Variants in CRMP1 observed in about 807,000 individuals in gnomAD.
CRMP1 encodes dihydropyrimidinase-related protein 1.
A neutral mutation model predicts 68.3 loss-of-function variants in CRMP1; 19 were observed. The ratio of observed to expected loss-of-function variants is 0.28; its 90% confidence interval spans 0.19 to 0.41. The LOEUF (loss-of-function observed/expected upper bound fraction) is 0.41. Ranked by LOEUF, CRMP1 falls within the 10% of genes least tolerant of loss-of-function variation. The probability of loss-of-function intolerance (pLI) is 1.00; values close to 1 mark genes in which losing one functional copy is unlikely to be tolerated. For missense variants in CRMP1, 791 were observed against 967.4 expected (o/e 0.82, Z 2.42); for synonymous variants, 439 against 399.6 (o/e 1.10, Z -1.18).
intron 1 of CRMP1, among the ~76,000 whole-genome samples, chr4:5,873,082 T>C (rs1258737039): frequency 6.6e-6 from 1 of 152,178 alleles, no homozygotes; most frequent in African/African-American, 2.4e-5. Context: ...CTATAAATCA[T>C]TGTTTAAGGA....
Position 5,861,051 on chromosome 4 carries a change from T to C in CRMP1, c.630A>G (p.Ala210=). The stretch of plus-strand genomic sequence containing the variant: ...TGATCATCGTGGTCCCGCCCACCAG[T>C]GCCGCCCTGGTCCCTTGGAAGAAGT... The part of the protein sequence containing the change: ...ADDFFQGTRA[A]LVGGTTMIID... Residue 210 remains alanine, a synonymous_variant, in exon 3 of 14, where the codon GCA becomes GCG. Transcript: ENST00000324989. The surrounding 1 kb of genome is among the most constrained non-coding windows in gnomAD (Gnocchi z 6.0). 6.2e-7 allele frequency: 1 copy of C among 1,614,144 alleles called. No individual in the cohort carries two copies. The highest frequency in any genetic ancestry group is 8.5e-7 in the Non-Finnish European group (1 of 1,180,016).
rs772194306 is a variant in CRMP1 at position 5,828,618 on chromosome 4, T to G, written c.1674A>C (p.Leu558=). Residue 558 remains leucine (L), a synonymous_variant, in exon 12 of 14, where the codon CTA becomes CTC. Coordinates refer to ENST00000324989, the MANE Select transcript of CRMP1 (RefSeq NM_001014809.3). ...CGATCTTGCCCTGGCTGATGACCACTAGTGGGGAGCCGTGGCACTCCATAC... is the reference window on the plus strand; with the variant it reads ...CGATCTTGCCCTGGCTGATGACCACGAGTGGGGAGCCGTGGCACTCCATAC... ...FEGMECHGSP[L]VVISQGKIVF... 3 of 1,614,080 alleles carry G rather than the reference T, an allele frequency of 1.9e-6. No individual in the cohort carries two copies. In the African/African-American group the frequency reaches 4.0e-5, roughly 22 times the overall value.
rs917964375 is a variant in CRMP1 at position 5,825,332 on chromosome 4, A to G, written c.1969+162T>C. 4 of 983,492 alleles carry G rather than the reference A, an allele frequency of 4.1e-6. No homozygotes were observed. The highest frequency in any genetic ancestry group is 1.8e-5 in the African/African-American group (1 of 56,656). 60.9% of individuals were successfully genotyped at this position (983,492 alleles called of 1,614,324 possible). A position where few individuals can be genotyped will look rare whatever the true frequency, so the allele number is the denominator to read the frequency against. On this transcript the variant is annotated intron_variant, in intron 13 of 13. Coordinates refer to ENST00000324989, the MANE Select transcript of CRMP1 (RefSeq NM_001014809.3). This position sits in a 1 kb window ranked among gnomAD's most constrained non-coding sequence, Gnocchi z 4.4. Reference sequence around the variant, plus strand: ...CTCTGCTTGGTGACCATGCCAGCCCACTCTGCCCCACCAGTGAGAGCAGGC... The same window carrying G: ...CTCTGCTTGGTGACCATGCCAGCCCGCTCTGCCCCACCAGTGAGAGCAGGC...
In CRMP1 at chr4:5,843,618, C is replaced by A. The variant is rs1445992950; in HGVS notation, c.964-457G>T. On this transcript the variant is annotated intron_variant, in intron 6 of 13. Transcript: ENST00000324989. This position sits in a 1 kb window ranked among gnomAD's most constrained non-coding sequence, Gnocchi z 4.1. Reference sequence around the variant, plus strand: ...GAGTCCAGATCCAGAACAGCCGTCTCTGTGACTTTGGGCAGGTTGGTCAAG... The same window carrying A: ...GAGTCCAGATCCAGAACAGCCGTCTATGTGACTTTGGGCAGGTTGGTCAAG... Among the ~76,000 whole-genome samples the A allele has an allele frequency of 3.9e-5, 6 of 152,310 alleles. No homozygotes were observed. The East Asian group carries it at 1.2e-3, about 29-fold the overall frequency.
At position 5,834,821 on chromosome 4, in the gene CRMP1, G is replaced by A. The variant is rs1720624030; in HGVS notation, c.1623+1094C>T. On this transcript the variant is annotated intron_variant, in intron 11 of 13. Coordinates refer to ENST00000324989, the MANE Select transcript of CRMP1 (RefSeq NM_001014809.3). The surrounding 1 kb of genome is among the most constrained non-coding windows in gnomAD (Gnocchi z 4.3). Reference sequence around the variant, plus strand: ...CGTTCCCTGGAGATGGGGGCTGTGGGAAGCAAGTAGTGTTACCAGGGAGCA... The same window carrying A: ...CGTTCCCTGGAGATGGGGGCTGTGGAAAGCAAGTAGTGTTACCAGGGAGCA... Among the ~76,000 whole-genome samples, 1 of 152,198 alleles carries A rather than the reference G, an allele frequency of 6.6e-6. No individual in the cohort carries two copies. Among genetic ancestry groups the A allele is most frequent in the South Asian group, 2.1e-4 (1 of 4,816 alleles).
rs1339719492 is a variant in CRMP1 at position 5,892,905 on chromosome 4, C to T, written c.65G>A (p.Gly22Asp). The T allele has an allele frequency of 1.5e-6, 2 of 1,360,312 alleles. No individual in the cohort carries two copies. The highest frequency in any genetic ancestry group is 1.6e-5 in the South Asian group (1 of 62,922). 84.3% of individuals were successfully genotyped at this position (1,360,312 alleles called of 1,614,324 possible). A position where few individuals can be genotyped will look rare whatever the true frequency, so the allele number is the denominator to read the frequency against. The part of the protein sequence containing the change: ...DDLPVYLARP[G>D]SAAQTPRQKY... ...CTGGCGCGGGGTCTGCGCCGCGCTG[C>T]CCGGCCGCGCCAGGTACACGGGCAG... Residue 22 changes from glycine to aspartate, a missense_variant, in exon 1 of 14, where the codon GGC (glycine) becomes GAC (aspartate). Gly to Asp is a moderately conservative substitution (Grantham distance 94). Transcript: ENST00000324989. This position sits in a 1 kb window ranked among gnomAD's most constrained non-coding sequence, Gnocchi z 8.6.
chr4:5,886,977 A>C (rs1347562831), intron 1 of CRMP1, among the ~76,000 whole-genome samples: 2 of 152,198 alleles, frequency 1.3e-5, no homozygotes, highest in Non-Finnish European at 2.9e-5. Context: ...GGCTGGGCCC[A>C]GGAGGAATTT....
At chr4:5,845,619 G>A (rs1712129900) in intron 6 of CRMP1, among the ~76,000 whole-genome samples, 2 of 152,196 alleles carry the variant, frequency 1.3e-5, no homozygotes, top group South Asian at 4.1e-4. Flanking sequence ...GCTGCACCTG[G>A]AGTCCAGACC....
At chr4:5,857,025 C>T (rs1428998826) in intron 3 of CRMP1, among the ~76,000 whole-genome samples, 9 of 151,148 alleles carry the variant, frequency 6.0e-5, no homozygotes, top group Admixed American at 3.9e-4. Flanking sequence ...CATCTGCTAT[C>T]ATCACCACCA....
At chr4:5,875,978 C>T (rs1451333265) in intron 1 of CRMP1, among the ~76,000 whole-genome samples, 1 of 151,972 alleles carries the variant, frequency 6.6e-6, no homozygotes, top group Non-Finnish European at 1.5e-5. Context: ...CAGTGAAACC[C>T]CGTCTCTACT....
At chr4:5,884,528 C>T (rs1228529252) in intron 1 of CRMP1, among the ~76,000 whole-genome samples, 2 of 151,900 alleles carry the variant, frequency 1.3e-5, no homozygotes, top group Non-Finnish European at 2.9e-5. Flanking sequence ...CAGACCAGCC[C>T]ACCTATCCTC....
In CRMP1 at chr4:5,889,734, C is replaced by A. The variant is rs905915699; in HGVS notation, c.381+2855G>T. The A allele has an allele frequency of 6.5e-7, 1 of 1,535,606 alleles. No homozygotes were observed. The highest frequency in any genetic ancestry group is 8.7e-7 in the Non-Finnish European group (1 of 1,146,566). On this transcript the variant is annotated intron_variant, in intron 1 of 13. Transcript: ENST00000324989. The surrounding 1 kb of genome is among the most constrained non-coding windows in gnomAD (Gnocchi z 4.5). ...AAGTTGCCATCCAGAGCGAGGGTGG[C>A]CTAGGCTTGGTACAGCTCCCCCAGC...
rs995437625 is a variant in CRMP1, at chr4:5,834,944, A to G, written c.1623+971T>C. On this transcript the variant is annotated intron_variant, in intron 11 of 13. Coordinates refer to ENST00000324989, the MANE Select transcript of CRMP1 (RefSeq NM_001014809.3). This position sits in a 1 kb window ranked among gnomAD's most constrained non-coding sequence, Gnocchi z 4.3. The stretch of plus-strand genomic sequence containing the variant: ...CTGCAGGCCATGTCTGTGGCAGCCA[A>G]TGGATACTCCAGGGCCATGGCCGTG... 1.3e-5 allele frequency among the ~76,000 whole-genome samples: 2 copies of G among 152,220 alleles called. No individual in the cohort carries two copies. The highest frequency in any genetic ancestry group is 3.4e-3 in the Middle Eastern group (1 of 294).
chr4:5,883,630 A>AAG lies in CRMP1; in HGVS notation c.381+8958_381+8959insCT, dbSNP rs1200945496. 6.7e-6 allele frequency among the ~76,000 whole-genome samples: 1 copy of AAG among 149,544 alleles called. No homozygotes were observed. Among genetic ancestry groups the AAG allele is most frequent in the African/African-American group, 2.5e-5 (1 of 40,604 alleles). ...TTTATGTGCATGCACTTTGTCACTT[A>AAG]GATGGCAAGATAATTAAGGTCAGGG... On this transcript the variant is annotated intron_variant, in intron 1 of 13. Coordinates refer to ENST00000324989, the MANE Select transcript of CRMP1 (RefSeq NM_001014809.3). The surrounding 1 kb of genome is among the most constrained non-coding windows in gnomAD (Gnocchi z 4.5).
intron 1 of CRMP1, among the ~76,000 whole-genome samples, chr4:5,884,607 C>G (rs1463922128): frequency 6.6e-6 from 1 of 152,110 alleles, no homozygotes; most frequent in Non-Finnish European, 1.5e-5. Flanking sequence ...CTGAATCTCT[C>G]TGAGCCTCAG....
intron 1 of CRMP1, among the ~76,000 whole-genome samples, chr4:5,878,826 C>T (rs1018202038): frequency 6.6e-5 from 10 of 152,022 alleles, no homozygotes; most frequent in South Asian, 6.2e-4. Context: ...ATCCTTGCAA[C>T]GTGGGGTAAC....
In CRMP1 at chr4:5,883,467, A is replaced by T. The variant is rs1715359992; in HGVS notation, c.381+9122T>A. ...AGGTGCCCGCCACCATGCCTGGCTA[A>T]TTTTTGTATTTTTAGTAGAGACAGG... On this transcript the variant is annotated intron_variant, in intron 1 of 13. Transcript: ENST00000324989. This position sits in a 1 kb window ranked among gnomAD's most constrained non-coding sequence, Gnocchi z 4.5. Among the ~76,000 whole-genome samples, 1 of 151,868 alleles carries T rather than the reference A, an allele frequency of 6.6e-6. No homozygotes were observed.
rs546023169 is a variant in CRMP1, at chr4:5,841,024, A to C, written c.1153+284T>G. ...GAAAACATCATGCAAAATATTAATGATTTTTACATTGATGACATGCTGAAT... is the reference window on the plus strand; with the variant it reads ...GAAAACATCATGCAAAATATTAATGCTTTTTACATTGATGACATGCTGAAT... On this transcript the variant is annotated intron_variant, in intron 8 of 13. Transcript: ENST00000324989. This position sits in a 1 kb window ranked among gnomAD's most constrained non-coding sequence, Gnocchi z 6.9. Among the ~76,000 whole-genome samples the C allele has an allele frequency of 2.6e-4, 39 of 152,276 alleles. 1 individual carries two copies. The South Asian group carries it at 6.9e-3, about 27-fold the overall frequency.
chr4:5,864,173 G>C (rs115599409), intron 2 of CRMP1, among the ~76,000 whole-genome samples: 2 of 152,092 alleles, frequency 1.3e-5, no homozygotes, highest in African/African-American at 4.8e-5. Flanking sequence ...TGTATACTCC[G>C]GGATTGCGGA....
Sources: gnomAD v4.1 joint callset for allele counts (sites outside exome capture counted in the v4.1 genomes callset) on GRCh38, gnomAD v4.1.1 for gene constraint, Gnocchi (gnomAD v3.1) non-coding constraint, MANE v1.5 for transcripts, NCBI Gene and HGNC (gene_info 2026-07-23, HGNC 2026-07-21) for gene names.